Variants in CKM observed in about 807,000 individuals in gnomAD.
The protein encoded by CKM is creatine kinase M-type.
A neutral mutation model predicts 35.4 loss-of-function variants in CKM; 28 were observed. The ratio of observed to expected loss-of-function variants is 0.79; its 90% CI spans 0.59 to 1.08. CKM has a LOEUF of 1.08. Ranked by LOEUF, CKM falls within the 50% of genes least tolerant of loss-of-function variation. CKM has a pLI of 0.00. For missense variants in CKM, 484 were observed against 509.8 expected, an observed-to-expected ratio of 0.95 and a Z score of 0.49; for synonymous variants, 215 against 204.4, an observed-to-expected ratio of 1.05 and a Z score of -0.44.
intron 1 of CKM, among the ~76,000 whole-genome samples, chr19:45,321,076 G>GTTTTTTTT (rs1180664675): frequency 5.3e-5 from 7 of 131,032 alleles, no homozygotes; most frequent in African/African-American, 8.3e-5. Flanking sequence ...TTTTTTTTTG[G>GTTTTTTTT]TATTTTTAGT....
At chr19:45,307,271 A>G (rs1205672950) in intron 7 of CKM, among the ~76,000 whole-genome samples, 190 bp downstream of exon 7, 1 of 152,210 alleles carries the variant, frequency 6.6e-6, no homozygotes, top group East Asian at 1.9e-4. Context: ...TATAATCATG[A>G]AAATCCCACA....
At position 45,306,667 on chromosome 19, in the gene CKM, C is replaced by T. The variant is rs1971054314; in HGVS notation, c.*83G>A. 1.4e-6 allele frequency: 2 copies of T among 1,440,530 alleles called. No homozygotes were observed. The highest frequency in any genetic ancestry group is 9.7e-7 in the Non-Finnish European group (1 of 1,030,006). 89.2% of individuals were successfully genotyped at this position (1,440,530 alleles called of 1,614,324 possible). On this transcript the variant is annotated 3_prime_UTR_variant, in exon 8 of 8. Transcript: ENST00000221476. This position sits in a 1 kb window ranked among gnomAD's most constrained non-coding sequence, Gnocchi z 4.5. ...TGGGACTCTGGGACAGGGGGCGGGG[C>T]GAGGAGTGAGGGAGCAGGACTCTGG... is the stretch of plus-strand genomic sequence containing the variant.
intron 4 of CKM, among the ~76,000 whole-genome samples, chr19:45,313,485 T>C (rs759611606): frequency 2.8e-4 from 43 of 152,294 alleles, no homozygotes; most frequent in Non-Finnish European, 5.6e-4. Context: ...GCCAATTCAG[T>C]TCATAACCTT....
In CKM at chr19:45,319,430, C is replaced by G. The variant is rs111899561; in HGVS notation, c.193+91G>C. 1,064 of 993,086 alleles carry G rather than the reference C, an allele frequency of 1.1e-3. 5 individuals are homozygous for G. The highest frequency in any genetic ancestry group is 8.9e-3 in the African/African-American group (552 of 61,978). The allele number at this position is 993,086 out of a possible 1,614,324, so 61.5% of individuals were successfully genotyped here. On this transcript the variant is annotated intron_variant, in intron 2 of 7. Coordinates refer to ENST00000221476, the MANE Select transcript of CKM (RefSeq NM_001824.5). Reference sequence around the variant, plus strand: ...TTTACAGATGAGAAAACTGAGGCCCCCCCCCCTTCAAGGGTGGTGGGATTG... The same window carrying G: ...TTTACAGATGAGAAAACTGAGGCCCGCCCCCCTTCAAGGGTGGTGGGATTG...
At chr19:45,308,151 G>T (rs534682098) in intron 6 of CKM, among the ~76,000 whole-genome samples, 52 of 151,964 alleles carry the variant, frequency 3.4e-4, no homozygotes, top group African/African-American at 1.2e-3. Context: ...GTGAGCCACC[G>T]CTCCCGGCCT....
chr19:45,311,472 C>A (rs186037721), intron 5 of CKM, among the ~76,000 whole-genome samples: 5 of 151,680 alleles, frequency 3.3e-5, no homozygotes, highest in African/African-American at 9.7e-5. Context: ...GTGATCCCCC[C>A]GCCTTGGCCT....
At chr19:45,320,932 G>T (rs548279545) in intron 1 of CKM, among the ~76,000 whole-genome samples, 44 of 145,156 alleles carry the variant, frequency 3.0e-4, no homozygotes, top group African/African-American at 1.1e-3. Flanking sequence ...ACAGAGTCTC[G>T]CTCTGTCGCC....
rs566643056 is a variant in CKM at position 45,310,148 on chromosome 19, T to C, written c.653+1601A>G. 9.6e-5 allele frequency among the ~76,000 whole-genome samples: 10 copies of C among 104,134 alleles called. No individual in the cohort carries two copies. In the South Asian group the frequency reaches 3.1e-3, roughly 32 times the overall value. The allele number at this position is 104,134 out of a possible 152,430, so 68.3% of individuals were successfully genotyped here. A position where few individuals can be genotyped will look rare whatever the true frequency, so the allele number is the denominator to read the frequency against. On this transcript the variant is annotated intron_variant, in intron 5 of 7. Transcript: ENST00000221476. The stretch of plus-strand genomic sequence containing the variant: ...TTTTTTTTTTTTTTTTGAGACAGAG[T>C]CTTGGTCTGTCGCCCAGGCTGGAGT...
intron 4 of CKM, among the ~76,000 whole-genome samples, chr19:45,314,934 ACTC>A (rs1971142935): frequency 7.0e-6 from 1 of 143,324 alleles, no homozygotes; most frequent in East Asian, 2.1e-4. Flanking sequence ...CTGGTCTTGA[ACTC>A]CTGGGCTCAA....
intron 4 of CKM, among the ~76,000 whole-genome samples, chr19:45,312,188 T>G (rs1359938743): frequency 6.6e-6 from 1 of 152,198 alleles, no homozygotes; most frequent in African/African-American, 2.4e-5. Context: ...GACCCTCACA[T>G]CCAATCCACC....
rs1052477176 is a variant in CKM at position 45,314,689 on chromosome 19, C to T, written c.481+776G>A. On this transcript the variant is annotated intron_variant, in intron 4 of 7. Coordinates refer to ENST00000221476, the MANE Select transcript of CKM (RefSeq NM_001824.5). ...TCAGCTTCCCAAAATGCTGGGATTACGGTGTGAGCCACTGTGCCTGGCCTC... is the reference window on the plus strand; with the variant it reads ...TCAGCTTCCCAAAATGCTGGGATTATGGTGTGAGCCACTGTGCCTGGCCTC... Among the ~76,000 whole-genome samples, 6 of 152,062 alleles carry T rather than the reference C, an allele frequency of 3.9e-5. No individual in the cohort carries two copies. The East Asian group carries it at 5.8e-4, about 15-fold the overall frequency.
At chr19:45,321,056 C>A (rs1032513665) in intron 1 of CKM, among the ~76,000 whole-genome samples, 1 of 140,386 alleles carries the variant, frequency 7.1e-6, no homozygotes, top group Non-Finnish European at 1.6e-5. Flanking sequence ...GTGTGCCACA[C>A]CTGGCTATTT....
rs1439446562 is a variant in CKM, at chr19:45,309,887, T to G, written c.654-1355A>C. The stretch of plus-strand genomic sequence containing the variant: ...CAAAATAAATAAATAAATAAATGAG[T>G]GGAATCTTAAAACCTAAAAATATTT... On this transcript the variant is annotated intron_variant, in intron 5 of 7. Coordinates refer to ENST00000221476, the MANE Select transcript of CKM (RefSeq NM_001824.5). Among the ~76,000 whole-genome samples, 3 of 151,692 alleles carry G rather than the reference T, an allele frequency of 2.0e-5. No individual in the cohort carries two copies. In the East Asian group the frequency reaches 5.8e-4, roughly 29 times the overall value.
Position 45,312,025 on chromosome 19 carries a change from G to A in CKM, c.482-105C>T. On this transcript the variant is annotated intron_variant, in intron 4 of 7. Coordinates refer to ENST00000221476, the MANE Select transcript of CKM (RefSeq NM_001824.5). Reference sequence around the variant, plus strand: ...CTGCTCCTAACGGGCCTGGGCCTTGGCCCCCTGGATGTCCTAAAGGCACCT... The same window carrying A: ...CTGCTCCTAACGGGCCTGGGCCTTGACCCCCTGGATGTCCTAAAGGCACCT... 13 of 1,331,742 alleles carry A rather than the reference G, an allele frequency of 9.8e-6. No individual in the cohort carries two copies. The South Asian group carries it at 1.6e-4, about 16-fold the overall frequency. The allele number at this position is 1,331,742 out of a possible 1,614,324, so 82.5% of individuals were successfully genotyped here.
At chr19:45,311,979 G>A (rs1213557987) in intron 4 of CKM, 59 bp from the exon 5 acceptor site, 7 of 1,596,860 alleles carry the variant, frequency 4.4e-6, no homozygotes, top group Admixed American at 1.7e-5. Flanking sequence ...AGGGTGTGGA[G>A]GCCCAGGGTT....
chr19:45,316,095 C>T (rs559946746), intron 3 of CKM, among the ~76,000 whole-genome samples: 1 of 151,892 alleles, frequency 6.6e-6, no homozygotes, highest in East Asian at 1.9e-4. Context: ...TTTGGGAAGC[C>T]GAGGTGAGCC....
rs771564232 is a variant in CKM, at chr19:45,306,960, G to A, written c.968-32C>T. The stretch of plus-strand genomic sequence containing the variant: ...GAGCAAGGGACAGGGGCGTGAAGAG[G>A]CAGCGAAGGTGCAGAGGGGCTGGGA... On this transcript the variant is annotated intron_variant, in intron 7 of 7. Coordinates refer to ENST00000221476, the MANE Select transcript of CKM (RefSeq NM_001824.5). This position sits in a 1 kb window ranked among gnomAD's most constrained non-coding sequence, Gnocchi z 4.5. 3 of 1,610,418 alleles carry A rather than the reference G, an allele frequency of 1.9e-6. No individual in the cohort carries two copies. In the African/African-American group the frequency reaches 4.0e-5, roughly 21 times the overall value.
chr19:45,312,918 C>A (rs1044531580), intron 4 of CKM, among the ~76,000 whole-genome samples: 1 of 147,670 alleles, frequency 6.8e-6, no homozygotes, highest in African/African-American at 2.5e-5. Flanking sequence ...TTTGCCACTG[C>A]ACTCCAGCCT....
At chr19:45,312,032 G>T in intron 4 of CKM, 112 bp from the exon 5 acceptor site, 1 of 1,240,270 alleles carries the variant, frequency 8.1e-7, no homozygotes, top group South Asian at 1.2e-5. Flanking sequence ...TTGGCCCCCT[G>T]GATGTCCTAA....
Sources: gnomAD v4.1 joint callset for allele counts (sites outside exome capture counted in the v4.1 genomes callset) on GRCh38, gnomAD v4.1.1 for gene constraint, Gnocchi (gnomAD v3.1) non-coding constraint, MANE v1.5 for transcripts, NCBI Gene and HGNC (gene_info 2026-07-23, HGNC 2026-07-21) for gene names.